KCNT2: variants seen among roughly 807,000 people sequenced by gnomAD.
KCNT2 encodes the protein potassium channel subfamily T member 2.
A neutral mutation model predicts 153.8 loss-of-function variants in KCNT2; 67 were observed. The ratio of observed to expected loss-of-function variants is 0.44; its 90% CI spans 0.36 to 0.53. KCNT2 has a LOEUF of 0.53. Among genes scored for constraint, KCNT2 ranks in the 20% least tolerant of loss-of-function variants. The pLI is 0.00. For missense variants in KCNT2, 975 were observed against 1,354.8 expected (o/e 0.72, Z 4.40); for synonymous variants, 500 against 458.8 (o/e 1.09, Z -1.15).
At chr1:196,441,871 G>A (rs891778209) in intron 8 of KCNT2, among the ~76,000 whole-genome samples, 12 of 151,712 alleles carry the variant, frequency 7.9e-5, no homozygotes, top group African/African-American at 2.7e-4. Context: ...CATTTATTAA[G>A]AAATACATAC....
chr1:196,474,567 A>G (rs1374881701), intron 5 of KCNT2, among the ~76,000 whole-genome samples: 1 of 152,162 alleles, frequency 6.6e-6, no homozygotes, highest in Non-Finnish European at 1.5e-5. Context: ...TAAACTTTCA[A>G]AATTGTTGCT....
intron 22 of KCNT2, among the ~76,000 whole-genome samples, chr1:196,300,687 C>G (rs761761816): frequency 2.7e-4 from 41 of 152,168 alleles, no homozygotes; most frequent in South Asian, 8.3e-4. Flanking sequence ...TACAAATACA[C>G]AGATTCCCTG....
At position 196,433,827 on chromosome 1, in the gene KCNT2, C is replaced by G. The variant is rs192023080; in HGVS notation, c.639-4070G>C. On this transcript the variant is annotated intron_variant, in intron 8 of 27. Transcript: ENST00000294725. The stretch of plus-strand genomic sequence containing the variant: ...TTATGTATATATATATATATTGGTA[C>G]AGTCAAGAATAAGCTTATGAATGGT... Among the ~76,000 whole-genome samples, 424 of 151,886 alleles carry G rather than the reference C, an allele frequency of 2.8e-3. 3 individuals are homozygous for G. The highest frequency in any genetic ancestry group is 0.01 in the Middle Eastern group (3 of 292).
At chr1:196,300,150 G>A (rs1571958663) in intron 22 of KCNT2, among the ~76,000 whole-genome samples, 1 of 152,182 alleles carries the variant, frequency 6.6e-6, no homozygotes, top group Non-Finnish European at 1.5e-5. Context: ...TATTTCTGAA[G>A]TTACATAGGT....
chr1:196,589,628 T>C (rs749109774), intron 1 of KCNT2, among the ~76,000 whole-genome samples: 20 of 152,060 alleles, frequency 1.3e-4, no homozygotes, highest in Non-Finnish European at 2.6e-4. Context: ...TATAAAAGTA[T>C]ACAACATGAG....
chr1:196,414,704 GA>G (rs1207257873), intron 12 of KCNT2, among the ~76,000 whole-genome samples: 1 of 151,832 alleles, frequency 6.6e-6, no homozygotes, highest in Non-Finnish European at 1.5e-5. Flanking sequence ...AATTAGCTTT[GA>G]TTGTTATACC....
intron 1 of KCNT2, among the ~76,000 whole-genome samples, chr1:196,511,104 G>T (rs559813774): frequency 1.2e-3 from 158 of 127,350 alleles, no homozygotes; most frequent in Non-Finnish European, 2.2e-3. Context: ...TTACACATAC[G>T]TAAACACACA....
intron 8 of KCNT2, among the ~76,000 whole-genome samples, chr1:196,442,028 C>T (rs1348919871): frequency 2.6e-5 from 4 of 151,706 alleles, no homozygotes; most frequent in Admixed American, 1.3e-4. Context: ...CAAAGGCAAT[C>T]GCATAGTACA....
At chr1:196,590,440 T>C (rs1020678104) in intron 1 of KCNT2, among the ~76,000 whole-genome samples, 1 of 152,138 alleles carries the variant, frequency 6.6e-6, no homozygotes, top group Non-Finnish European at 1.5e-5. Flanking sequence ...AGAGAAATAG[T>C]GTAATGGTCA....
At chr1:196,457,429 G>C (rs1455364856) in intron 8 of KCNT2, among the ~76,000 whole-genome samples, 1 of 147,982 alleles carries the variant, frequency 6.8e-6, no homozygotes, top group Non-Finnish European at 1.5e-5. Flanking sequence ...ATTGATTAAT[G>C]AAAAAGGCAT....
At chr1:196,316,475 G>A (rs190016037) in intron 20 of KCNT2, among the ~76,000 whole-genome samples, 24 of 151,542 alleles carry the variant, frequency 1.6e-4, no homozygotes, top group African/African-American at 4.3e-4. Flanking sequence ...CAAGCTTAAC[G>A]AAAAAATACA....
chr1:196,295,558 T>A (rs1384807885), intron 22 of KCNT2, among the ~76,000 whole-genome samples: 1 of 151,586 alleles, frequency 6.6e-6, no homozygotes. Flanking sequence ...CATTTGGCAA[T>A]CCCCATTGGG....
Position 196,371,883 on chromosome 1 carries a change from T to C in KCNT2, c.1403+1257A>G, listed in dbSNP as rs183991057. On this transcript the variant is annotated intron_variant, in intron 14 of 27. Coordinates refer to ENST00000294725, the MANE Select transcript of KCNT2 (RefSeq NM_198503.5). ...ATTTTATCACTCATGTATACAACAATGAAGTTGCCTAGATAGTCATCATTA... is the reference window on the plus strand; with the variant it reads ...ATTTTATCACTCATGTATACAACAACGAAGTTGCCTAGATAGTCATCATTA... Among the ~76,000 whole-genome samples the C allele has an allele frequency of 2.5e-3, 380 of 152,218 alleles. 3 individuals carry two copies. The highest frequency in any genetic ancestry group is 5.7e-3 in the Admixed American group (87 of 15,262).
At chr1:196,491,605 G>T (rs866456002) in intron 2 of KCNT2, among the ~76,000 whole-genome samples, 11 of 152,146 alleles carry the variant, frequency 7.2e-5, no homozygotes, top group Middle Eastern at 3.4e-3. Flanking sequence ...ATTGTGGGAA[G>T]CAACAAGCAT....
Position 196,258,441 on chromosome 1 carries a change from T to C in KCNT2, c.2964A>G (p.Glu988=), listed in dbSNP as rs778689016. 3.1e-6 allele frequency: 5 copies of C among 1,613,866 alleles called. No homozygotes were observed. The South Asian group carries it at 5.5e-5, about 18-fold the overall frequency. Residue 988 remains glutamate, a synonymous_variant, in exon 26 of 28, where the codon GAA becomes GAG. Coordinates refer to ENST00000294725, the MANE Select transcript of KCNT2 (RefSeq NM_198503.5). ...EEWEDTKDSK[E]QGHHRSNHRN... is the part of the protein sequence containing the mutation. ...GGTGGTTGCTGCGGTGGTGCCCTTG[T>C]TCTTTGGAGTCTTTGGTGTCTTCCC...
intron 14 of KCNT2, among the ~76,000 whole-genome samples, chr1:196,351,482 C>T (rs1666688156): frequency 7.6e-6 from 1 of 131,200 alleles, no homozygotes; most frequent in African/African-American, 2.5e-5. Context: ...AATGGGAGTT[C>T]ACTCATGATT....
intron 11 of KCNT2, among the ~76,000 whole-genome samples, chr1:196,425,353 A>G (rs939949122): frequency 5.3e-5 from 8 of 151,974 alleles, no homozygotes; most frequent in Non-Finnish European, 8.8e-5. Context: ...CCTCTAGTCC[A>G]TGGCAACCAT....
At position 196,305,073 on chromosome 1, in the gene KCNT2, C is replaced by A. The variant is rs144626893; in HGVS notation, c.2595+161G>T. ...TAAATCGTTCAAATCTGTCAATTCA[C>A]ATTTTTAAAAAAATTATCAATTAGA... On this transcript the variant is annotated intron_variant, in intron 22 of 27. Transcript: ENST00000294725. Among the ~76,000 whole-genome samples the A allele has an allele frequency of 8.3e-3, 1,270 of 152,250 alleles. 11 individuals are homozygous for A. The highest frequency in any genetic ancestry group is 0.017 in the Middle Eastern group (5 of 294).
intron 14 of KCNT2, among the ~76,000 whole-genome samples, chr1:196,351,323 T>C (rs1666671273): frequency 6.6e-6 from 1 of 152,216 alleles, no homozygotes; most frequent in Non-Finnish European, 1.5e-5. Context: ...ATATTAATTC[T>C]TCCTACCCAT....
Sources: gnomAD v4.1 joint callset for allele counts (sites outside exome capture counted in the v4.1 genomes callset) on GRCh38, gnomAD v4.1.1 for gene constraint, MANE v1.5 for transcripts, NCBI Gene and HGNC (gene_info 2026-07-23, HGNC 2026-07-21) for gene names.